The following CTNNA3 variants were observed in gnomAD, a reference collection of about 807,000 sequenced individuals.
CTNNA3 encodes the protein catenin alpha 3, also known as catenin alpha-3.
A neutral mutation model predicts 95.7 loss-of-function variants in CTNNA3; 76 were observed. The observed-to-expected ratio is 0.79, with a 90% confidence interval of 0.66 to 0.96. CTNNA3 has a LOEUF of 0.96. Ranked by LOEUF, CTNNA3 falls within the 40% of genes least tolerant of loss-of-function variation. The pLI is 0.00. For missense variants in CTNNA3, 1,191 were observed against 1,089.8 expected (o/e 1.09, Z -1.31); for synonymous variants, 431 against 374.4 (o/e 1.15, Z -1.74).
intron 5 of CTNNA3, among the ~76,000 whole-genome samples, chr10:67,259,101 T>C (rs1413152523): frequency 6.6e-6 from 1 of 152,208 alleles, no homozygotes; most frequent in Admixed American, 6.5e-5. Flanking sequence ...GTTGATTGAA[T>C]CTGCAGATAG....
chr10:67,326,173 TTATC>T (rs1160850268), intron 5 of CTNNA3, among the ~76,000 whole-genome samples: 12 of 152,338 alleles, frequency 7.9e-5, no homozygotes, highest in Admixed American at 3.3e-4. Context: ...TTTTGGTTCT[TTATC>T]TAACTTGCCA....
At chr10:66,096,252 T>A (rs907598069) in intron 14 of CTNNA3, among the ~76,000 whole-genome samples, 2 of 152,100 alleles carry the variant, frequency 1.3e-5, no homozygotes, top group African/African-American at 4.8e-5. Context: ...GTTTAAGTTG[T>A]GTGAGACAGA....
intron 12 of CTNNA3, among the ~76,000 whole-genome samples, chr10:66,318,627 A>T (rs758425530): frequency 2.0e-5 from 3 of 151,992 alleles, no homozygotes; most frequent in Non-Finnish European, 4.4e-5. Flanking sequence ...TTTCTAGGTC[A>T]TCCCTATTCT....
rs939713068 is a variant in CTNNA3, at chr10:65,916,892, T to C, written c.*3438A>G. Reference sequence around the variant, plus strand: ...CCGTTGAAGTCACTTACTCTGTTGTTACACATTAGGCTTTTCAGCCACTCA... The same window carrying C: ...CCGTTGAAGTCACTTACTCTGTTGTCACACATTAGGCTTTTCAGCCACTCA... On this transcript the variant is annotated 3_prime_UTR_variant, in exon 18 of 18. Coordinates refer to ENST00000433211, the MANE Select transcript of CTNNA3 (RefSeq NM_013266.4). 3 of 152,182 alleles carry C rather than the reference T, an allele frequency of 2.0e-5. No individual in the cohort carries two copies. The highest frequency in any genetic ancestry group is 1.3e-4 in the Admixed American group (2 of 15,264). 9.4% of individuals were successfully genotyped at this position (152,182 alleles called of 1,614,324 possible).
At chr10:66,169,072 G>A (rs557330589) in intron 13 of CTNNA3, among the ~76,000 whole-genome samples, 2 of 152,142 alleles carry the variant, frequency 1.3e-5, no homozygotes, top group East Asian at 1.9e-4. Context: ...TGTTGTTGTT[G>A]TTACATAAAT....
chr10:66,507,502 TC>T (rs1436699377), intron 11 of CTNNA3, among the ~76,000 whole-genome samples: 1 of 152,064 alleles, frequency 6.6e-6, no homozygotes, highest in Non-Finnish European at 1.5e-5. Context: ...CTATCCTCCT[TC>T]TCCCTTACTG....
intron 7 of CTNNA3, among the ~76,000 whole-genome samples, chr10:66,870,195 C>G (rs1324458759): frequency 6.7e-6 from 1 of 150,198 alleles, no homozygotes; most frequent in Non-Finnish European, 1.5e-5. Context: ...AACTGACAAT[C>G]CAGTTTGTTA....
intron 7 of CTNNA3, among the ~76,000 whole-genome samples, chr10:66,780,204 T>C (rs1344058904): frequency 6.6e-6 from 1 of 152,016 alleles, no homozygotes; most frequent in Non-Finnish European, 1.5e-5. Flanking sequence ...CTGGGAGTCA[T>C]AGAAGTTAAG....
At chr10:66,854,909 G>C (rs1843632998) in intron 7 of CTNNA3, among the ~76,000 whole-genome samples, 1 of 151,808 alleles carries the variant, frequency 6.6e-6, no homozygotes, top group Non-Finnish European at 1.5e-5. Context: ...GAGTATACCA[G>C]AGTACTTTAC....
chr10:66,374,990 A>G (rs1342193383), intron 12 of CTNNA3, among the ~76,000 whole-genome samples: 3 of 152,230 alleles, frequency 2.0e-5, no homozygotes, highest in Non-Finnish European at 4.4e-5. Context: ...GATGTAATTG[A>G]GTTGGCACGT....
intron 3 of CTNNA3, among the ~76,000 whole-genome samples, chr10:67,572,266 T>C (rs1842003309): frequency 6.6e-6 from 1 of 152,300 alleles, no homozygotes; most frequent in East Asian, 1.9e-4. Context: ...TAAAATCACA[T>C]ATGAGGCTCA....
chr10:67,643,619 T>G (rs1187899378), intron 2 of CTNNA3, among the ~76,000 whole-genome samples: 1 of 151,894 alleles, frequency 6.6e-6, no homozygotes. Flanking sequence ...CATGCCATGG[T>G]GGTTTGCTGC....
intron 7 of CTNNA3, among the ~76,000 whole-genome samples, chr10:66,925,389 T>C (rs1309292571): frequency 3.9e-5 from 6 of 152,204 alleles, no homozygotes; most frequent in Admixed American, 6.5e-5. Flanking sequence ...AATGATCTCT[T>C]GATTCGTATC....
chr10:66,187,938 G>A (rs1312367446), intron 13 of CTNNA3, among the ~76,000 whole-genome samples: 8 of 152,078 alleles, frequency 5.3e-5, no homozygotes, highest in Non-Finnish European at 1.2e-4. Context: ...TCATACATTG[G>A]ACTTACTAAA....
rs114660595 is a variant in CTNNA3 at position 66,923,408 on chromosome 10, A to G, written c.1048-147884T>C. 8.7e-4 allele frequency among the ~76,000 whole-genome samples: 133 copies of G among 152,304 alleles called. 1 individual carries two copies. The highest frequency in any genetic ancestry group is 2.7e-3 in the African/African-American group (112 of 41,566). Reference sequence around the variant, plus strand: ...GCTCTCTGCAGCTCTTGGGCAAAACAGATGTCTCAATGACTACGTGGGAGA... The same window carrying G: ...GCTCTCTGCAGCTCTTGGGCAAAACGGATGTCTCAATGACTACGTGGGAGA... On this transcript the variant is annotated intron_variant, in intron 7 of 17. Coordinates refer to ENST00000433211, the MANE Select transcript of CTNNA3 (RefSeq NM_013266.4).
chr10:66,199,785 AT>A (rs2087225646), intron 13 of CTNNA3, among the ~76,000 whole-genome samples: 1 of 11,036 alleles, frequency 9.1e-5, no homozygotes, highest in African/African-American at 3.8e-4. Flanking sequence ...ATATATATAT[AT>A]ATATATATAT....
intron 7 of CTNNA3, among the ~76,000 whole-genome samples, chr10:67,106,158 T>C (rs781690881): frequency 1.3e-5 from 2 of 152,188 alleles, no homozygotes; most frequent in African/African-American, 4.8e-5. Context: ...ATGTGTGAAC[T>C]TGACATGACA....
chr10:66,340,634 A>T (rs1375518704), intron 12 of CTNNA3, among the ~76,000 whole-genome samples: 1 of 151,822 alleles, frequency 6.6e-6, no homozygotes, highest in Non-Finnish European at 1.5e-5. Flanking sequence ...AATTATGGTT[A>T]TTCATATTTC....
At chr10:67,752,573 A>T (rs1472193769) in intron 1 of CTNNA3, among the ~76,000 whole-genome samples, 1 of 152,186 alleles carries the variant, frequency 6.6e-6, no homozygotes, top group Admixed American at 6.5e-5. Context: ...ATATTTAGAA[A>T]ATCCCATTGT....
Sources: allele counts gnomAD v4.1 joint callset (sites outside exome capture counted in the v4.1 genomes callset), GRCh38; gene constraint gnomAD v4.1.1; transcripts MANE v1.5; gene names NCBI Gene and HGNC (gene_info 2026-07-23, HGNC 2026-07-21).